Variants in WDR27 observed in about 807,000 individuals in gnomAD.
WDR27 encodes WD repeat-containing protein 27.
In WDR27, 100 loss-of-function variants were observed where a neutral mutation model predicts 114.4. That is an observed-to-expected ratio of 0.87 (90% CI 0.74 to 1.03). WDR27 has a LOEUF of 1.03. Ranked by LOEUF, WDR27 falls within the 50% of genes least tolerant of loss-of-function variation. WDR27 has a pLI of 0.00. For synonymous variants in WDR27, 449 were observed against 423.1 expected (o/e 1.06, Z -0.75); for missense variants, 1,129 against 1,092.9 (o/e 1.03, Z -0.47).
At chr6:169,542,524 A>C (rs549418359) in intron 25 of WDR27, among the ~76,000 whole-genome samples, 35 of 152,316 alleles carry the variant, frequency 2.3e-4, no homozygotes, top group African/African-American at 8.2e-4. Flanking sequence ...AGACTAAGAC[A>C]AAATAACTAA....
rs779404351 is a variant in WDR27, at chr6:169,636,363, G to C, written c.2003+8C>G. ...CTAAAAATAATGCACAGGGCGGGGG[G>C]TGCCTACCTCTTAATCTCATCTTTG... On this transcript the variant is annotated splice_region_variant and intron_variant, in intron 19 of 25. Transcript: ENST00000448612. 5 of 1,613,424 alleles carry C rather than the reference G, an allele frequency of 3.1e-6. No homozygotes were observed. The highest frequency in any genetic ancestry group is 4.2e-6 in the Non-Finnish European group (5 of 1,179,722).
chr6:169,505,333 T>C (rs1480446498), intron 25 of WDR27, among the ~76,000 whole-genome samples: 1 of 152,212 alleles, frequency 6.6e-6, no homozygotes, highest in Middle Eastern at 3.2e-3. Flanking sequence ...AACACTTACA[T>C]TAAGCCATCA....
At chr6:169,691,403 T>G (rs932667517) in intron 1 of WDR27, among the ~76,000 whole-genome samples, 1 of 152,032 alleles carries the variant, frequency 6.6e-6, no homozygotes, top group Non-Finnish European at 1.5e-5. Context: ...CATATGAAAA[T>G]AGCTACACCT....
At chr6:169,471,093 T>A (rs1378741456) in intron 25 of WDR27, among the ~76,000 whole-genome samples, 1 of 151,982 alleles carries the variant, frequency 6.6e-6, no homozygotes, top group Non-Finnish European at 1.5e-5. Context: ...GCTAGTTGAG[T>A]CCTAGGCTGA....
intron 25 of WDR27, among the ~76,000 whole-genome samples, chr6:169,540,431 C>CTT (rs66671017): frequency 6.9e-6 from 1 of 144,802 alleles, no homozygotes; most frequent in Admixed American, 6.8e-5. Flanking sequence ...TGAATAGAAT[C>CTT]TTTTTTTTTT....
At chr6:169,690,609 G>C (rs557026954) in intron 1 of WDR27, among the ~76,000 whole-genome samples, 2 of 152,132 alleles carry the variant, frequency 1.3e-5, no homozygotes, top group African/African-American at 2.4e-5. Flanking sequence ...GCCCTTAGGA[G>C]GCAGCAGGAC....
intron 18 of WDR27, 91 bp downstream of exon 18, chr6:169,638,448 C>T: frequency 6.7e-7 from 1 of 1,486,476 alleles, no homozygotes; most frequent in South Asian, 1.3e-5. Flanking sequence ...TCCCTTTCCT[C>T]ATCTCCTGTT....
At chr6:169,539,059 G>T (rs1796529484) in intron 25 of WDR27, among the ~76,000 whole-genome samples, 1 of 152,160 alleles carries the variant, frequency 6.6e-6, no homozygotes, top group Non-Finnish European at 1.5e-5. Flanking sequence ...TCATTAATAA[G>T]CAATAGCTTA....
chr6:169,634,817 G>T (rs1817279727), intron 19 of WDR27, among the ~76,000 whole-genome samples: 1 of 151,972 alleles, frequency 6.6e-6, no homozygotes, highest in South Asian at 2.1e-4. Context: ...TTTTCTATAG[G>T]GTATTTCCAT....
At position 169,659,279 on chromosome 6, in the gene WDR27, C is replaced by G. The variant is rs922980925; in HGVS notation, c.1198-72G>C. On this transcript the variant is annotated intron_variant, in intron 11 of 25. Coordinates refer to ENST00000448612, the MANE Select transcript of WDR27 (RefSeq NM_182552.5). This position sits in a 1 kb window ranked among gnomAD's most constrained non-coding sequence, Gnocchi z 4.3. ...AGCAGACGAAACGTGCATCCGCACACGTATCCTAACAGCTGCTTCATTCTC... is the reference window on the plus strand; with the variant it reads ...AGCAGACGAAACGTGCATCCGCACAGGTATCCTAACAGCTGCTTCATTCTC... 1 of 1,556,896 alleles carries G rather than the reference C, an allele frequency of 6.4e-7. No homozygotes were observed. The highest frequency in any genetic ancestry group is 1.8e-5 in the Admixed American group (1 of 54,270).
intron 21 of WDR27, among the ~76,000 whole-genome samples, chr6:169,615,488 A>G (rs537983700): frequency 2.0e-5 from 3 of 152,286 alleles, no homozygotes; most frequent in Admixed American, 6.5e-5. Flanking sequence ...CCACATACCT[A>G]CGACCGACTG....
rs79355193 is a variant in WDR27 at position 169,499,177 on chromosome 6, A to G, written c.2646-41543T>C. Among the ~76,000 whole-genome samples the G allele has an allele frequency of 3.3e-5, 5 of 152,240 alleles. No individual in the cohort carries two copies. In the East Asian group the frequency reaches 7.7e-4, roughly 23 times the overall value. The stretch of plus-strand genomic sequence containing the variant: ...AAAAGCAAGAACTTCACTGGGACTC[A>G]GTAATTTAAACTTCAAATCCAGCCA... On this transcript the variant is annotated intron_variant, in intron 25 of 25. Coordinates refer to ENST00000448612, the MANE Select transcript of WDR27 (RefSeq NM_182552.5).
the WDR27 span, among the ~76,000 whole-genome samples, chr6:169,446,111 G>A: frequency 3.3e-5 from 5 of 152,258 alleles, no homozygotes; most frequent in Admixed American, 1.3e-4. Flanking sequence ...GCTCCGGCCC[G>A]GACGGAGGGC....
intron 25 of WDR27, among the ~76,000 whole-genome samples, chr6:169,516,972 G>C (rs191888080): frequency 6.6e-6 from 1 of 152,194 alleles, no homozygotes; most frequent in East Asian, 1.9e-4. Context: ...AATGTGAGAA[G>C]GACCTGAGAT....
At chr6:169,660,578 C>T (rs538367358) in intron 10 of WDR27, 85 bp downstream of exon 10, 251 of 1,118,408 alleles carry the variant, frequency 2.2e-4, no homozygotes, top group Non-Finnish European at 2.8e-4. Flanking sequence ...CACGGCAAGG[C>T]CTTCTCCACA....
chr6:169,443,260 C>T, the WDR27 span, among the ~76,000 whole-genome samples: 3 of 152,216 alleles, frequency 2.0e-5, no homozygotes, highest in Non-Finnish European at 2.9e-5. Context: ...GCAGGACCCT[C>T]GCCTCCCAGG....
At position 169,684,223 on chromosome 6, in the gene WDR27, A is replaced by T. The variant is rs1226544838; in HGVS notation, c.189+4594T>A. Among the ~76,000 whole-genome samples, 1 of 151,940 alleles carries T rather than the reference A, an allele frequency of 6.6e-6. No homozygotes were observed. The highest frequency in any genetic ancestry group is 1.5e-5 in the Non-Finnish European group (1 of 67,960). On this transcript the variant is annotated intron_variant, in intron 2 of 25. Coordinates refer to ENST00000448612, the MANE Select transcript of WDR27 (RefSeq NM_182552.5). This position sits in a 1 kb window ranked among gnomAD's most constrained non-coding sequence, Gnocchi z 4.3. Reference sequence around the variant, plus strand: ...ACAAACCTGCCCTTGATTTAGCCAAACCATTGCACACCCTCCTCAAAGCAG... The same window carrying T: ...ACAAACCTGCCCTTGATTTAGCCAATCCATTGCACACCCTCCTCAAAGCAG...
At chr6:169,615,712 C>A (rs564932016) in intron 21 of WDR27, among the ~76,000 whole-genome samples, 18 of 152,112 alleles carry the variant, frequency 1.2e-4, no homozygotes, top group Non-Finnish European at 2.5e-4. Flanking sequence ...GTCCTAGACA[C>A]AAGAACTGGC....
chr6:169,665,341 A>G, intron 7 of WDR27, 145 bp downstream of exon 7: 1 of 1,419,184 alleles, frequency 7.0e-7, no homozygotes, highest in Non-Finnish European at 9.2e-7. Flanking sequence ...TGAGACCCAC[A>G]GAAGGTCACG....
Sources: gnomAD v4.1 joint callset for allele counts (sites outside exome capture counted in the v4.1 genomes callset) on GRCh38, gnomAD v4.1.1 for gene constraint, Gnocchi (gnomAD v3.1) non-coding constraint, MANE v1.5 for transcripts, NCBI Gene and HGNC (gene_info 2026-07-23, HGNC 2026-07-21) for gene names.